The following MGLL variants were observed in gnomAD, a reference collection of about 807,000 sequenced individuals.
MGLL encodes the protein monoglyceride lipase.
Under a neutral mutation model 29.1 loss-of-function variants are expected in MGLL, and 7 were observed. That is an observed-to-expected ratio of 0.24 (90% CI 0.14 to 0.45). MGLL has a LOEUF of 0.45. Among genes scored for constraint, MGLL ranks in the 20% least tolerant of loss-of-function variants. The pLI, the probability that MGLL is intolerant of heterozygous loss-of-function variation, is 0.99. For synonymous variants in MGLL, 148 were observed against 168.3 expected (o/e 0.88, Z 0.93); for missense variants, 356 against 413.6 (o/e 0.86, Z 1.21).
In MGLL at chr3:127,695,012, A is replaced by C; in HGVS notation, c.779T>G (p.Leu260Arg). 6.2e-7 allele frequency: 1 copy of C among 1,613,982 alleles called. No homozygotes were observed. Among genetic ancestry groups the C allele is most frequent in the Non-Finnish European group, 8.5e-7 (1 of 1,180,002 alleles). The change falls in exon 7 of 8, where the codon CTC becomes CGC. Residue 260 changes from leucine to arginine, a missense_variant. By Grantham distance (102) the Leu-to-Arg change is moderately radical. Transcript: ENST00000265052. ...GTCCTGGCTCTTGGCTAACTCCATG[A>C]GCAGGTAGGCCCCTTTGCTGTCACA... ...RLCDSKGAYL[L>R]MELAKSQDKT...
chr3:127,788,287 C>A (rs1011448861), intron 2 of MGLL, among the ~76,000 whole-genome samples: 13 of 152,206 alleles, frequency 8.5e-5, no homozygotes, highest in African/African-American at 3.1e-4. Flanking sequence ...ACTCATTTAA[C>A]CCTCACAGCA....
At chr3:127,747,037 G>C (rs1387528476) in intron 3 of MGLL, among the ~76,000 whole-genome samples, 2 of 152,208 alleles carry the variant, frequency 1.3e-5, no homozygotes, top group Non-Finnish European at 1.5e-5. Flanking sequence ...GGGTCATTCT[G>C]TGTCTGCCTT....
chr3:127,766,436 G>A (rs1210461272), intron 3 of MGLL, among the ~76,000 whole-genome samples: 3 of 152,120 alleles, frequency 2.0e-5, no homozygotes, highest in Admixed American at 6.5e-5. Context: ...GAAAATACTC[G>A]TAGTGCCCCT....
At chr3:127,695,283 C>CCAGAG in intron 6 of MGLL, 93 bp from the exon 7 acceptor site, 1 of 1,304,506 alleles carries the variant, frequency 7.7e-7, no homozygotes, top group Non-Finnish European at 1.1e-6. Context: ...TCTGCTCTGG[C>CCAGAG]CTGAAGGGTT....
chr3:127,768,173 C>T (rs922330962), intron 3 of MGLL, among the ~76,000 whole-genome samples: 27 of 152,134 alleles, frequency 1.8e-4, no homozygotes, highest in African/African-American at 6.3e-4. Flanking sequence ...AAATCCTTCC[C>T]GTAAAGAACA....
chr3:127,729,417 A>G (rs966291560), intron 3 of MGLL, among the ~76,000 whole-genome samples: 6 of 151,824 alleles, frequency 4.0e-5, no homozygotes, highest in African/African-American at 1.5e-4. Flanking sequence ...CGAATCTTTG[A>G]CCCATTTGAA....
chr3:127,796,363 G>A (rs2077381403), intron 2 of MGLL, among the ~76,000 whole-genome samples: 2 of 152,138 alleles, frequency 1.3e-5, no homozygotes. Flanking sequence ...TTCCCTACAG[G>A]ACTATGTCAC....
intron 2 of MGLL, among the ~76,000 whole-genome samples, chr3:127,809,338 T>C (rs79189479): frequency 0.016 from 2,425 of 152,126 alleles, 66 homozygotes; most frequent in African/African-American, 0.056. Context: ...TTAAGACCAA[T>C]CATGAGGCCA....
chr3:127,700,002 A>G (rs1208537415), intron 6 of MGLL, among the ~76,000 whole-genome samples: 1 of 152,112 alleles, frequency 6.6e-6, no homozygotes, highest in South Asian at 2.1e-4. Flanking sequence ...CCTTCCCTGC[A>G]ATCTCCTCCC....
chr3:127,711,062 TC>T, intron 5 of MGLL: 1 of 340,946 alleles, frequency 2.9e-6, no homozygotes, highest in South Asian at 2.4e-5. Context: ...ATCACACAGA[TC>T]AACTGAGCAC....
Position 127,822,312 on chromosome 3 carries a change from T to G in MGLL, c.7A>C (p.Thr3Pro), listed in dbSNP as rs1282836546. The change falls in exon 1 of 8, where the codon ACA becomes CCA. Residue 3 changes from threonine (T) to proline (P), a missense_variant. By Grantham distance (38) the Thr-to-Pro change is conservative. Coordinates refer to ENST00000265052, the MANE Select transcript of MGLL (RefSeq NM_007283.7). ME[T>P]GPEDPSSMPE... ...ATTCCAAGGATACATGACAAACCTG[T>G]TTCCATTATGTGCTGGCGTTTGCAT... is the stretch of plus-strand genomic sequence containing the variant. The G allele has an allele frequency of 6.2e-7, 1 of 1,613,606 alleles. No homozygotes were observed.
At chr3:127,698,970 T>C (rs2075425126) in intron 6 of MGLL, among the ~76,000 whole-genome samples, 1 of 152,164 alleles carries the variant, frequency 6.6e-6, no homozygotes, top group Non-Finnish European at 1.5e-5. Flanking sequence ...GGGACCCAGG[T>C]CCAAGTGACC....
chr3:127,793,488 A>G (rs1290151710), intron 2 of MGLL, among the ~76,000 whole-genome samples: 1 of 152,224 alleles, frequency 6.6e-6, no homozygotes, highest in Non-Finnish European at 1.5e-5. Context: ...GAGAAGCTCT[A>G]GATCCCACGG....
chr3:127,805,357 A>T (rs2077547770), intron 2 of MGLL, among the ~76,000 whole-genome samples: 1 of 152,184 alleles, frequency 6.6e-6, no homozygotes, highest in African/African-American at 2.4e-5. Context: ...TCATAGGCAC[A>T]ATGAGGCCTC....
chr3:127,705,974 G>A (rs2075594872), intron 6 of MGLL, among the ~76,000 whole-genome samples: 2 of 152,146 alleles, frequency 1.3e-5, no homozygotes, highest in South Asian at 4.1e-4. Context: ...TAGGGACACT[G>A]GAACCCTTGA....
At chr3:127,766,772 TA>T (rs1245693120) in intron 3 of MGLL, among the ~76,000 whole-genome samples, 1 of 152,162 alleles carries the variant, frequency 6.6e-6, no homozygotes, top group African/African-American at 2.4e-5. Context: ...TTTACCTCTT[TA>T]AAAAACACTA....
At chr3:127,731,331 CTTTTATTA>C (rs1486238859) in intron 3 of MGLL, among the ~76,000 whole-genome samples, 18 of 117,028 alleles carry the variant, frequency 1.5e-4, no homozygotes, top group African/African-American at 5.9e-4. Flanking sequence ...CTCTTGGTGG[CTTTTATTA>C]TTATTATTAT....
intron 3 of MGLL, among the ~76,000 whole-genome samples, chr3:127,743,094 C>G (rs1241753662): frequency 6.6e-6 from 1 of 152,184 alleles, no homozygotes; most frequent in African/African-American, 2.4e-5. Flanking sequence ...GGGTTACAGG[C>G]GTGAGCCACC....
intron 3 of MGLL, among the ~76,000 whole-genome samples, chr3:127,753,164 G>C (rs182058567): frequency 1.3e-5 from 2 of 152,324 alleles, no homozygotes; most frequent in East Asian, 3.9e-4. Context: ...CAGAAGAGAA[G>C]TAACGACACA....
Sources: allele counts gnomAD v4.1 joint callset (sites outside exome capture counted in the v4.1 genomes callset), GRCh38; gene constraint gnomAD v4.1.1; transcripts MANE v1.5; gene names NCBI Gene and HGNC (gene_info 2026-07-23, HGNC 2026-07-21).